The following IMPG1 variants were observed in gnomAD, a reference collection of about 807,000 sequenced individuals.
The protein encoded by IMPG1 is interphotoreceptor matrix proteoglycan of 150 kDa.
IMPG1 carries 85 observed loss-of-function variants against 92.0 expected under a neutral mutation model. The observed-to-expected ratio is 0.92, with a 90% CI of 0.78 to 1.11. IMPG1 has a LOEUF of 1.11. IMPG1 is among the 50% of genes least tolerant of loss of function. IMPG1 has a pLI of 0.00. For synonymous variants in IMPG1, 367 were observed against 334.1 expected (o/e 1.10, Z -1.08); for missense variants, 1,022 against 956.0 (o/e 1.07, Z -0.91).
intron 14 of IMPG1, among the ~76,000 whole-genome samples, chr6:75,944,235 C>T (rs1209371578): frequency 6.6e-6 from 1 of 152,164 alleles, no homozygotes; most frequent in African/African-American, 2.4e-5. Context: ...TCCTTGCCTG[C>T]TCCTCCCTGC....
chr6:76,035,675 A>T (rs1045099300), intron 2 of IMPG1, among the ~76,000 whole-genome samples: 1 of 152,102 alleles, frequency 6.6e-6, no homozygotes, highest in Non-Finnish European at 1.5e-5. Context: ...CCAGGTGTCC[A>T]TTTTCCTGTG....
At chr6:75,971,324 C>T (rs754922591) in intron 12 of IMPG1, among the ~76,000 whole-genome samples, 3 of 97,782 alleles carry the variant, frequency 3.1e-5, no homozygotes, top group African/African-American at 8.3e-5. Flanking sequence ...GTTGTGGGGT[C>T]GGGGGAGGGG....
At chr6:75,955,261 C>T (rs967905736) in intron 12 of IMPG1, among the ~76,000 whole-genome samples, 4 of 152,036 alleles carry the variant, frequency 2.6e-5, no homozygotes, top group South Asian at 2.1e-4. Flanking sequence ...AATGTTTTTC[C>T]GTTTGTTTGT....
chr6:75,981,275 TTTAGAG>T (rs1378421837), intron 12 of IMPG1, among the ~76,000 whole-genome samples: 1 of 152,226 alleles, frequency 6.6e-6, no homozygotes, highest in Admixed American at 6.5e-5. Context: ...GAAATGCTGC[TTTAGAG>T]TTAATTTAAT....
intron 12 of IMPG1, among the ~76,000 whole-genome samples, chr6:75,996,478 G>T (rs1364657630): frequency 2.0e-5 from 3 of 152,162 alleles, no homozygotes; most frequent in African/African-American, 7.2e-5. Flanking sequence ...ATTTATCTTA[G>T]AAACAGGTGA....
chr6:76,025,991 C>T (rs1783522267), intron 4 of IMPG1, among the ~76,000 whole-genome samples: 1 of 152,080 alleles, frequency 6.6e-6, no homozygotes, highest in African/African-American at 2.4e-5. Flanking sequence ...ACTGGCCTGC[C>T]CTCAGGGATG....
intron 13 of IMPG1, among the ~76,000 whole-genome samples, chr6:75,949,674 C>T (rs1168902953): frequency 2.6e-5 from 4 of 152,144 alleles, no homozygotes; most frequent in Non-Finnish European, 5.9e-5. Flanking sequence ...TTTTCTGTAA[C>T]AGGTTCACAG....
At chr6:76,005,183 A>G in intron 10 of IMPG1, 104 bp downstream of exon 10, 1 of 1,155,776 alleles carries the variant, frequency 8.7e-7, no homozygotes, top group Non-Finnish European at 1.2e-6. Flanking sequence ...GTAATGATCG[A>G]CTTTAGAAGA....
At chr6:75,977,191 G>A (rs774187117) in intron 12 of IMPG1, among the ~76,000 whole-genome samples, 7 of 152,154 alleles carry the variant, frequency 4.6e-5, no homozygotes, top group South Asian at 4.1e-4. Context: ...AAGCATGATC[G>A]AAAGATCCAA....
At chr6:76,026,447 T>G (rs934430149) in intron 4 of IMPG1, among the ~76,000 whole-genome samples, 2 of 152,184 alleles carry the variant, frequency 1.3e-5, no homozygotes, top group African/African-American at 4.8e-5. Flanking sequence ...GGCCTTTTCA[T>G]GGCCCTTTCC....
Position 75,950,725 on chromosome 6 carries a change from G to T in IMPG1, c.1661C>A (p.Ser554Ter). The T allele has an allele frequency of 6.2e-7, 1 of 1,614,032 alleles. No homozygotes were observed. Among genetic ancestry groups the T allele is most frequent in the South Asian group, 1.1e-5 (1 of 91,074 alleles). Residue 554 changes from serine to a stop codon, truncating the protein, a stop_gained, in exon 13 of 17, where the codon TCA becomes TAA. Coordinates refer to ENST00000369950, the MANE Select transcript of IMPG1 (RefSeq NM_001563.4). LOFTEE classifies it high-confidence loss of function. The part of the protein sequence containing the change: ...DHFLEDTTPV[S>*]ALQYITTSSM... ...ACTAGTGGTGATATACTGTAAAGCT[G>T]AGACAGGAGTGGTATCCTCCAAGAA... is the stretch of plus-strand genomic sequence containing the variant.
intron 1 of IMPG1, among the ~76,000 whole-genome samples, chr6:76,052,802 T>C (rs1784064861): frequency 6.6e-6 from 1 of 152,128 alleles, no homozygotes; most frequent in Non-Finnish European, 1.5e-5. Flanking sequence ...GCATTATCAC[T>C]TTGAAAAAAA....
chr6:75,992,833 C>T (rs768633845), intron 12 of IMPG1, among the ~76,000 whole-genome samples: 10 of 152,272 alleles, frequency 6.6e-5, no homozygotes, highest in South Asian at 2.1e-4. Flanking sequence ...TTTCTCTTCA[C>T]GAAAGTCCTT....
At chr6:75,927,242 T>C (rs1223025967) in intron 15 of IMPG1, among the ~76,000 whole-genome samples, 1 of 152,196 alleles carries the variant, frequency 6.6e-6, no homozygotes, top group Non-Finnish European at 1.5e-5. Context: ...ATTCCTGTTA[T>C]TCCCATTAGA....
intron 12 of IMPG1, among the ~76,000 whole-genome samples, chr6:75,987,956 C>CT (rs989263654): frequency 1.3e-5 from 2 of 152,092 alleles, no homozygotes; most frequent in African/African-American, 4.8e-5. Context: ...CAAACTCATC[C>CT]TTTTTTATGG....
chr6:75,940,052 T>C (rs1164790723), intron 14 of IMPG1, among the ~76,000 whole-genome samples: 1 of 152,254 alleles, frequency 6.6e-6, no homozygotes, highest in Non-Finnish European at 1.5e-5. Context: ...TCTTCTGTTT[T>C]GTGACTTTCT....
At position 76,064,880 on chromosome 6, in the gene IMPG1, T is replaced by C. The variant is rs553567829; in HGVS notation, c.67+7542A>G. On this transcript the variant is annotated intron_variant, in intron 1 of 16. Coordinates refer to ENST00000369950, the MANE Select transcript of IMPG1 (RefSeq NM_001563.4). ...GCTGGCACAAGTGCACAGTGCTGGCTTCCTGAGACCTCTGCCATATTGGCA... is the reference window on the plus strand; with the variant it reads ...GCTGGCACAAGTGCACAGTGCTGGCCTCCTGAGACCTCTGCCATATTGGCA... Among the ~76,000 whole-genome samples the C allele has an allele frequency of 3.0e-4, 45 of 152,256 alleles. 1 individual carries two copies. The highest frequency in any genetic ancestry group is 1.8e-3 in the Admixed American group (28 of 15,280).
chr6:75,949,591 A>C (rs1180132967), intron 13 of IMPG1, among the ~76,000 whole-genome samples: 1 of 152,130 alleles, frequency 6.6e-6, no homozygotes, highest in African/African-American at 2.4e-5. Flanking sequence ...TTCACTTTGC[A>C]CTGTGGACTT....
At chr6:76,032,629 C>T (rs1012855370) in intron 4 of IMPG1, among the ~76,000 whole-genome samples, 1 of 152,094 alleles carries the variant, frequency 6.6e-6, no homozygotes, top group Non-Finnish European at 1.5e-5. Flanking sequence ...ATACAAGTAC[C>T]AAACAGAGTA....
Sources: gnomAD v4.1 joint callset for allele counts (sites outside exome capture counted in the v4.1 genomes callset) on GRCh38, gnomAD v4.1.1 for gene constraint, MANE v1.5 for transcripts, NCBI Gene and HGNC (gene_info 2026-07-23, HGNC 2026-07-21) for gene names.